Variants in RORA observed in about 807,000 individuals in gnomAD.
RORA encodes nuclear receptor ROR-alpha.
RORA carries 7 observed loss-of-function variants against 69.5 expected under a neutral mutation model. The ratio of observed to expected loss-of-function variants is 0.10; its 90% CI spans 0.06 to 0.19. The LOEUF is 0.19. RORA is among the 10% of genes least tolerant of loss of function. RORA has a pLI of 1.00. For synonymous variants in RORA, 261 were observed against 240.8 expected, an observed-to-expected ratio of 1.08 and a Z score of -0.78; for missense variants, 457 against 663.0, an observed-to-expected ratio of 0.69 and a Z score of 3.41.
At chr15:60,765,249 G>A (rs1216884393) in intron 1 of RORA, 1 of 152,042 alleles carries the variant, frequency 6.6e-6, no homozygotes, top group Middle Eastern at 3.2e-3. Context: ...ACATCTATGA[G>A]TCAAAGTAGC....
At chr15:60,582,312 A>G (rs2140488407) in intron 2 of RORA, among the ~76,000 whole-genome samples, 1 of 152,370 alleles carries the variant, frequency 6.6e-6, no homozygotes, top group Middle Eastern at 3.4e-3. Flanking sequence ...GAATAAGGAA[A>G]GTAGGAGGCA....
chr15:60,989,892 TTTACTTTTGTTTTTA>T (rs1894319578), intron 1 of RORA, among the ~76,000 whole-genome samples: 1 of 152,072 alleles, frequency 6.6e-6, no homozygotes, highest in South Asian at 2.1e-4. Flanking sequence ...AACCACTTCT[TTTACTTTTGTTTTTA>T]TAAGAAAAGT....
intron 1 of RORA, among the ~76,000 whole-genome samples, chr15:60,958,332 G>C (rs1365861803): frequency 6.6e-6 from 1 of 152,108 alleles, no homozygotes; most frequent in Non-Finnish European, 1.5e-5. Context: ...AGTCATTAGG[G>C]ATTTAGCAGG....
At chr15:60,808,625 G>A (rs761099018) in intron 1 of RORA, among the ~76,000 whole-genome samples, 15 of 150,948 alleles carry the variant, frequency 9.9e-5, no homozygotes, top group Non-Finnish European at 1.9e-4. Flanking sequence ...CGTTTATAGC[G>A]GCACATTTTA....
intron 1 of RORA, among the ~76,000 whole-genome samples, chr15:60,904,721 A>C (rs537004759): frequency 3.9e-5 from 6 of 152,338 alleles, no homozygotes; most frequent in Non-Finnish European, 7.3e-5. Context: ...CTAAATGAGC[A>C]CAGAGACAGA....
chr15:61,132,200 A>G (rs2079195900), intron 1 of RORA, among the ~76,000 whole-genome samples: 1 of 152,246 alleles, frequency 6.6e-6, no homozygotes, highest in South Asian at 2.1e-4. Flanking sequence ...CAGAAAAATG[A>G]ATTCAATTTG....
chr15:60,634,556 C>A (rs1164977428), intron 2 of RORA, among the ~76,000 whole-genome samples: 1 of 151,800 alleles, frequency 6.6e-6, no homozygotes, highest in Non-Finnish European at 1.5e-5. Flanking sequence ...AGGCGCCCGC[C>A]ACCACGCCCG....
At chr15:61,101,644 G>A (rs1241571394) in intron 1 of RORA, among the ~76,000 whole-genome samples, 8 of 151,926 alleles carry the variant, frequency 5.3e-5, no homozygotes, top group African/African-American at 1.9e-4. Flanking sequence ...TGTAAACCTG[G>A]TAAAGGGCTT....
chr15:60,926,238 A>T (rs540905303), intron 1 of RORA, among the ~76,000 whole-genome samples: 8 of 152,168 alleles, frequency 5.3e-5, no homozygotes, highest in African/African-American at 1.9e-4. Flanking sequence ...CCTCAATCCA[A>T]TGACATTTGG....
intron 3 of RORA, among the ~76,000 whole-genome samples, chr15:60,525,345 G>A (rs1198409369): frequency 1.3e-5 from 2 of 152,224 alleles, no homozygotes; most frequent in South Asian, 2.1e-4. Flanking sequence ...GTGAACGGGG[G>A]TCTGATTCTG....
At chr15:61,057,975 T>C (rs957540714) in intron 1 of RORA, among the ~76,000 whole-genome samples, 1 of 152,190 alleles carries the variant, frequency 6.6e-6, no homozygotes, top group African/African-American at 2.4e-5. Flanking sequence ...GACTAAGGAT[T>C]TTGCGAGTCA....
At chr15:60,921,636 T>C (rs182708341) in intron 1 of RORA, among the ~76,000 whole-genome samples, 13 of 152,296 alleles carry the variant, frequency 8.5e-5, no homozygotes, top group Non-Finnish European at 1.0e-4. Flanking sequence ...GCTGCACAAA[T>C]ATGATCTGTG....
intron 1 of RORA, among the ~76,000 whole-genome samples, chr15:61,025,734 A>C (rs1280314507): frequency 6.6e-6 from 1 of 152,228 alleles, no homozygotes; most frequent in African/African-American, 2.4e-5. Flanking sequence ...ATTAGTGCAG[A>C]AAAATTAAAT....
At chr15:60,877,445 G>A (rs991046070) in intron 1 of RORA, among the ~76,000 whole-genome samples, 4 of 152,180 alleles carry the variant, frequency 2.6e-5, no homozygotes, top group African/African-American at 9.7e-5. Context: ...GGACACAAAT[G>A]TTCTTCCCCT....
intron 1 of RORA, among the ~76,000 whole-genome samples, chr15:60,889,553 G>A (rs1324516495): frequency 6.6e-6 from 1 of 152,206 alleles, no homozygotes; most frequent in South Asian, 2.1e-4. Context: ...TGAACAGTTG[G>A]GGAGAGCGAC....
intron 1 of RORA, among the ~76,000 whole-genome samples, chr15:61,168,075 A>G (rs2079552927): frequency 6.6e-6 from 1 of 151,872 alleles, no homozygotes; most frequent in Non-Finnish European, 1.5e-5. Context: ...GAATATGCTG[A>G]GTGTTGTTTC....
chr15:60,980,354 A>G (rs1894009307), intron 1 of RORA, among the ~76,000 whole-genome samples: 1 of 152,064 alleles, frequency 6.6e-6, no homozygotes, highest in Non-Finnish European at 1.5e-5. Context: ...TTCTTGGGAT[A>G]CCTTTTTCTG....
chr15:60,776,612 A>T (rs17204454), intron 1 of RORA, among the ~76,000 whole-genome samples: 3 of 152,054 alleles, frequency 2.0e-5, no homozygotes, highest in Non-Finnish European at 4.4e-5. Flanking sequence ...CTGCACTAAA[A>T]GGGTAAGAAG....
chr15:60,847,282 A>G (rs1223701193), intron 1 of RORA, among the ~76,000 whole-genome samples: 1 of 152,158 alleles, frequency 6.6e-6, no homozygotes. Context: ...ATATCTATGA[A>G]ATAAACAGAG....
Sources: allele counts gnomAD v4.1 joint callset (sites outside exome capture counted in the v4.1 genomes callset), GRCh38; gene constraint gnomAD v4.1.1; transcripts MANE v1.5; gene names NCBI Gene and HGNC (gene_info 2026-07-23, HGNC 2026-07-21).